Variants in PMEPA1 observed in about 807,000 individuals in gnomAD.
PMEPA1 encodes protein TMEPAI.
Under a neutral mutation model 23.0 loss-of-function variants are expected in PMEPA1, and 11 were observed. That is an observed-to-expected ratio of 0.48 (90% CI 0.30 to 0.79). The LOEUF (loss-of-function observed/expected upper bound fraction) is 0.79. PMEPA1 is among the 30% of genes least tolerant of loss of function. PMEPA1 has a pLI of 0.06. For synonymous variants in PMEPA1, 204 were observed against 166.4 expected, an observed-to-expected ratio of 1.23 and a Z score of -1.74; for missense variants, 377 against 390.9, an observed-to-expected ratio of 0.96 and a Z score of 0.30.
chr20:57,655,676 G>GC lies in PMEPA1; in HGVS notation c.265-2591dup, dbSNP rs1342090769. On this transcript the variant is annotated intron_variant, in intron 2 of 3. Transcript: ENST00000341744. This position sits in a 1 kb window ranked among gnomAD's most constrained non-coding sequence, Gnocchi z 4.2. ...CCAATCCTACAGCCACTGCTGACGAGCCCCCTGCTCCCAGCAGCCTCCAAC... is the reference window on the plus strand; with the variant it reads ...CCAATCCTACAGCCACTGCTGACGAGCCCCCCTGCTCCCAGCAGCCTCCAAC... Among the ~76,000 whole-genome samples, 1 of 152,166 alleles carries GC rather than the reference G, an allele frequency of 6.6e-6. No homozygotes were observed. The highest frequency in any genetic ancestry group is 2.4e-5 in the African/African-American group (1 of 41,416).
At chr20:57,653,615 C>G (rs762574797) in intron 2 of PMEPA1, among the ~76,000 whole-genome samples, 2 of 152,248 alleles carry the variant, frequency 1.3e-5, no homozygotes, top group African/African-American at 4.8e-5. Context: ...CCGGAGCCCA[C>G]GTGGCACTCA....
chr20:57,709,958 T>G lies in PMEPA1; in HGVS notation c.-376A>C. The G allele has an allele frequency of 1.0e-6, 1 of 1,001,594 alleles. No individual in the cohort carries two copies. The highest frequency in any genetic ancestry group is 1.2e-6 in the Non-Finnish European group (1 of 842,952). The allele number at this position is 1,001,594 out of a possible 1,614,324, so 62.0% of individuals were successfully genotyped here. On this transcript the variant is annotated 5_prime_UTR_variant, in exon 1 of 4. Coordinates refer to ENST00000341744, the MANE Select transcript of PMEPA1 (RefSeq NM_020182.5). ...CGCCGCCTCCTCCTCCTCATTCAAG[T>G]CCAAGGAGATCGGGTTTCGCTCCGA...
chr20:57,671,521 G>A (rs1167377487), intron 1 of PMEPA1, among the ~76,000 whole-genome samples: 1 of 151,818 alleles, frequency 6.6e-6, no homozygotes, highest in Non-Finnish European at 1.5e-5. Context: ...GGCCCAAAAC[G>A]TATATATAGA....
Position 57,679,944 on chromosome 20 carries a change from G to A in PMEPA1, c.110-20247C>T, listed in dbSNP as rs562691070. ...CAGAGCAACCGTGCAAAGCTGGCTA[G>A]AGCCAGAGCCTGCGCCTTCCAGTTC... On this transcript the variant is annotated intron_variant, in intron 1 of 3. Transcript: ENST00000341744. Among the ~76,000 whole-genome samples the A allele has an allele frequency of 2.0e-5, 3 of 152,360 alleles. 1 individual carries two copies. The highest frequency in any genetic ancestry group is 2.0e-4 in the Admixed American group (3 of 15,310).
chr20:57,676,019 C>A (rs6070217), intron 1 of PMEPA1, among the ~76,000 whole-genome samples: 2 of 152,266 alleles, frequency 1.3e-5, no homozygotes, highest in Non-Finnish European at 2.9e-5. Context: ...CACTTCCTTT[C>A]GAAGCAGCAT....
rs574156932 is a variant in PMEPA1 at position 57,656,734 on chromosome 20, G to C, written c.264+2809C>G. 7.2e-5 allele frequency among the ~76,000 whole-genome samples: 11 copies of C among 152,330 alleles called. No homozygotes were observed. Among genetic ancestry groups the C allele is most frequent in the African/African-American group, 2.6e-4 (11 of 41,582 alleles). On this transcript the variant is annotated intron_variant, in intron 2 of 3. Coordinates refer to ENST00000341744, the MANE Select transcript of PMEPA1 (RefSeq NM_020182.5). This position sits in a 1 kb window ranked among gnomAD's most constrained non-coding sequence, Gnocchi z 4.7. The stretch of plus-strand genomic sequence containing the variant: ...GGGTCTTACCTGAGATGGTGAGGCA[G>C]GTGGGTGAGGCACGAGCTCTTGTCT...
chr20:57,657,380 G>A (rs567943436), intron 2 of PMEPA1, among the ~76,000 whole-genome samples: 46 of 152,314 alleles, frequency 3.0e-4, no homozygotes, highest in African/African-American at 1.1e-3. Context: ...CTTCACACCG[G>A]CAGTGACAAG....
intron 1 of PMEPA1, among the ~76,000 whole-genome samples, chr20:57,694,607 C>T (rs1458228531): frequency 2.0e-5 from 3 of 152,178 alleles, no homozygotes; most frequent in South Asian, 2.1e-4. Flanking sequence ...GGGCCAATTA[C>T]GAGTCATGCA....
chr20:57,690,721 T>G, intron 1 of PMEPA1: 1 of 473,356 alleles, frequency 2.1e-6, no homozygotes, highest in South Asian at 2.7e-5. Context: ...GTTTTGTAAG[T>G]GACACGCCCA....
chr20:57,670,959 G>T (rs903374290), intron 1 of PMEPA1, among the ~76,000 whole-genome samples: 1 of 152,148 alleles, frequency 6.6e-6, no homozygotes, highest in African/African-American at 2.4e-5. Context: ...AGGTGGACCT[G>T]GAGGAGGATG....
intron 1 of PMEPA1, among the ~76,000 whole-genome samples, chr20:57,676,476 C>T (rs949187678): frequency 2.6e-5 from 4 of 152,168 alleles, no homozygotes; most frequent in African/African-American, 7.2e-5. Flanking sequence ...GTCAGGCGCA[C>T]GTTTATTAAC....
Position 57,650,670 on chromosome 20 carries a change from C to CG in PMEPA1, c.*1382dup, listed in dbSNP as rs2071213311. The CG allele has an allele frequency of 6.6e-6, 1 of 152,236 alleles. No homozygotes were observed. Among genetic ancestry groups the CG allele is most frequent in the East Asian group, 1.9e-4 (1 of 5,200 alleles). 9.4% of individuals were successfully genotyped at this position (152,236 alleles called of 1,614,324 possible). On this transcript the variant is annotated 3_prime_UTR_variant, in exon 4 of 4. Transcript: ENST00000341744. ...AAGAGAAGGTGAAGAATTCTGCGCC[C>CG]GAAGCTCGGGTTGGTGTTTGCTCAA...
intron 1 of PMEPA1, chr20:57,699,989 T>C (rs933439479): frequency 2.1e-6 from 1 of 470,512 alleles, no homozygotes; most frequent in South Asian, 1.5e-5. Flanking sequence ...TACTTGAAGA[T>C]ACGTGGCTCT....
intron 1 of PMEPA1, among the ~76,000 whole-genome samples, chr20:57,685,697 G>A (rs1000236599): frequency 2.6e-5 from 4 of 152,102 alleles, no homozygotes; most frequent in African/African-American, 4.8e-5. Context: ...GTACGTGGCC[G>A]CCCAGCAAAT....
chr20:57,680,457 C>T (rs1224629834), intron 1 of PMEPA1, among the ~76,000 whole-genome samples: 1 of 152,200 alleles, frequency 6.6e-6, no homozygotes, highest in Non-Finnish European at 1.5e-5. Context: ...GCTAAACATC[C>T]ACCCTGCCAC....
upstream of PMEPA1, chr20:57,710,821 A>G (rs560794066): frequency 2.7e-5 from 7 of 262,218 alleles, no homozygotes; most frequent in South Asian, 3.2e-4. Flanking sequence ...CTTCAGGTTT[A>G]AAAAGATATT....
At chr20:57,691,121 T>C (rs1258630702) in intron 1 of PMEPA1, among the ~76,000 whole-genome samples, 2 of 152,210 alleles carry the variant, frequency 1.3e-5, no homozygotes, top group African/African-American at 4.8e-5. Context: ...GGAGCTGGCC[T>C]GTCTTTTTCA....
chr20:57,706,171 T>C (rs878541), intron 1 of PMEPA1, among the ~76,000 whole-genome samples: 112,523 of 152,056 alleles, frequency 0.74, 42,356 homozygotes, highest in East Asian at 0.99. Flanking sequence ...CTCCCAGAAC[T>C]CTCAGGAAAC....
At chr20:57,664,944 G>A (rs1338058961) in intron 1 of PMEPA1, among the ~76,000 whole-genome samples, 1 of 152,182 alleles carries the variant, frequency 6.6e-6, no homozygotes, top group Non-Finnish European at 1.5e-5. Context: ...TCCCTAATCT[G>A]ACAGACTGCC....
Sources: gnomAD v4.1 joint callset for allele counts (sites outside exome capture counted in the v4.1 genomes callset) on GRCh38, gnomAD v4.1.1 for gene constraint, Gnocchi (gnomAD v3.1) non-coding constraint, MANE v1.5 for transcripts, NCBI Gene and HGNC (gene_info 2026-07-23, HGNC 2026-07-21) for gene names.